The following PRKAR2B variants were observed in gnomAD, a reference collection of about 807,000 sequenced individuals.
PRKAR2B encodes cAMP-dependent protein kinase type II-beta regulatory subunit.
PRKAR2B carries 14 observed loss-of-function variants against 49.9 expected under a neutral mutation model. The ratio of observed to expected loss-of-function variants is 0.28; its 90% CI spans 0.19 to 0.44. The LOEUF (loss-of-function observed/expected upper bound fraction) is 0.44. Among genes scored for constraint, PRKAR2B ranks in the 20% least tolerant of loss-of-function variants. PRKAR2B has a pLI of 1.00. For synonymous variants in PRKAR2B, 196 were observed against 197.7 expected (o/e 0.99, Z 0.07); for missense variants, 393 against 537.9 (o/e 0.73, Z 2.67).
At chr7:107,108,874 C>G (rs1028507967) in intron 2 of PRKAR2B, among the ~76,000 whole-genome samples, 2 of 152,164 alleles carry the variant, frequency 1.3e-5, no homozygotes, top group Non-Finnish European at 2.9e-5. Context: ...TGGGAGAGTT[C>G]TTGGCTTTGC....
Position 107,160,804 on chromosome 7 carries a change from A to C in PRKAR2B, c.*1222A>C, listed in dbSNP as rs893972318. On this transcript the variant is annotated 3_prime_UTR_variant, in exon 11 of 11. Coordinates refer to ENST00000265717, the MANE Select transcript of PRKAR2B (RefSeq NM_002736.3). ...CATAGTTGAAATTAGTGCAGAAAGA[A>C]CTCAGATGTACTAGATTTTCATTGT... 2.0e-5 allele frequency: 3 copies of C among 152,152 alleles called. No homozygotes were observed. Among genetic ancestry groups the C allele is most frequent in the African/African-American group, 7.2e-5 (3 of 41,438 alleles). The allele number at this position is 152,152 out of a possible 1,614,324, so 9.4% of individuals were successfully genotyped here. A position where few individuals can be genotyped will look rare whatever the true frequency, so the allele number is the denominator to read the frequency against.
chr7:107,099,836 A>G (rs566185642), intron 2 of PRKAR2B, among the ~76,000 whole-genome samples: 4 of 152,024 alleles, frequency 2.6e-5, no homozygotes, highest in Admixed American at 6.5e-5. Flanking sequence ...GGGTTTCACC[A>G]TGTTAGCCAG....
chr7:107,065,322 A>ATGTGTGTGTGTGTG (rs71134248), intron 1 of PRKAR2B, among the ~76,000 whole-genome samples: 14 of 143,802 alleles, frequency 9.7e-5, no homozygotes, highest in Admixed American at 6.2e-4. Flanking sequence ...GGGTGTGTGT[A>ATGTGTGTGTGTGTG]TGTGTGTGTG....
chr7:107,088,055 C>A (rs1466304405), intron 2 of PRKAR2B, among the ~76,000 whole-genome samples: 1 of 152,198 alleles, frequency 6.6e-6, no homozygotes, highest in Non-Finnish European at 1.5e-5. Context: ...TACAGTATGT[C>A]GTGTAATTCT....
chr7:107,112,726 T>C (rs1562860948), intron 2 of PRKAR2B, among the ~76,000 whole-genome samples: 1 of 152,210 alleles, frequency 6.6e-6, no homozygotes, highest in Non-Finnish European at 1.5e-5. Context: ...TACATGGATT[T>C]ATTTCTTTTG....
At chr7:107,136,890 C>CA (rs1795710725) in intron 4 of PRKAR2B, among the ~76,000 whole-genome samples, 1 of 152,064 alleles carries the variant, frequency 6.6e-6, no homozygotes. Flanking sequence ...TCAAAATTGC[C>CA]AAAACTTGGA....
intron 6 of PRKAR2B, among the ~76,000 whole-genome samples, chr7:107,148,679 T>C (rs2115659768): frequency 1.3e-5 from 2 of 152,290 alleles, no homozygotes; most frequent in Middle Eastern, 6.8e-3. Flanking sequence ...AATTTTTCTT[T>C]TAAGGTCAAC....
rs950709324 is a variant in PRKAR2B, at chr7:107,161,248, AT to A, written c.*1670del. ...TGACTTGTTTTATATTTCAGATTTTATTTTAAAAGCCATGTCTGTTAAACAA... is the reference window on the plus strand; with the variant it reads ...TGACTTGTTTTATATTTCAGATTTTATTTAAAAGCCATGTCTGTTAAACAA... On this transcript the variant is annotated 3_prime_UTR_variant, in exon 11 of 11. Coordinates refer to ENST00000265717, the MANE Select transcript of PRKAR2B (RefSeq NM_002736.3). 46 of 152,364 alleles carry A rather than the reference AT, an allele frequency of 3.0e-4. No individual in the cohort carries two copies. Among genetic ancestry groups the A allele is most frequent in the African/African-American group, 1.1e-3 (44 of 41,586 alleles). The allele number at this position is 152,364 out of a possible 1,614,324, so 9.4% of individuals were successfully genotyped here. A position where few individuals can be genotyped will look rare whatever the true frequency, so the allele number is the denominator to read the frequency against.
chr7:107,070,952 C>T (rs1292023161), intron 2 of PRKAR2B, among the ~76,000 whole-genome samples: 5 of 152,166 alleles, frequency 3.3e-5, no homozygotes, highest in Admixed American at 1.3e-4. Flanking sequence ...CAAGGGCGTA[C>T]GTTAACTTCA....
At chr7:107,139,057 T>C (rs1010980762) in intron 4 of PRKAR2B, among the ~76,000 whole-genome samples, 1 of 152,200 alleles carries the variant, frequency 6.6e-6, no homozygotes, top group Non-Finnish European at 1.5e-5. Context: ...TCTGATTTGC[T>C]CTTTTCCTAA....
Position 107,160,798 on chromosome 7 carries a change from GAA to G in PRKAR2B, c.*1218_*1219del, listed in dbSNP as rs1450619447. On this transcript the variant is annotated 3_prime_UTR_variant, in exon 11 of 11. Coordinates refer to ENST00000265717, the MANE Select transcript of PRKAR2B (RefSeq NM_002736.3). The stretch of plus-strand genomic sequence containing the variant: ...TAGACTCATAGTTGAAATTAGTGCA[GAA>G]AGAACTCAGATGTACTAGATTTTCA... 1.3e-5 allele frequency: 2 copies of G among 152,156 alleles called. No homozygotes were observed. Among genetic ancestry groups the G allele is most frequent in the African/African-American group, 4.8e-5 (2 of 41,438 alleles). The allele number at this position is 152,156 out of a possible 1,614,324, so 9.4% of individuals were successfully genotyped here. A position where few individuals can be genotyped will look rare whatever the true frequency, so the allele number is the denominator to read the frequency against.
rs1429196671 is a variant in PRKAR2B, at chr7:107,128,220, T to C, written c.405T>C (p.His135=). The C allele has an allele frequency of 1.2e-6, 2 of 1,608,844 alleles. No homozygotes were observed. Among genetic ancestry groups the C allele is most frequent in the African/African-American group, 2.7e-5 (2 of 74,844 alleles). The change falls in exon 4 of 11, where the codon CAT becomes CAC. Residue 135 remains histidine (H), a synonymous_variant. Coordinates refer to ENST00000265717, the MANE Select transcript of PRKAR2B (RefSeq NM_002736.3). Reference sequence around the variant, plus strand: ...ATCTGATGTCCTTTTAGATTATACATCCAAAAACTGATGATCAAAGAAATA... The same window carrying C: ...ATCTGATGTCCTTTTAGATTATACACCCAAAAACTGATGATCAAAGAAATA... ...EEDDAESRII[H]PKTDDQRNRL...
chr7:107,058,425 C>G (rs1312200984), intron 1 of PRKAR2B, among the ~76,000 whole-genome samples: 1 of 152,126 alleles, frequency 6.6e-6, no homozygotes, highest in African/African-American at 2.4e-5. Flanking sequence ...TAATACATCT[C>G]CAAGTCTTAC....
At chr7:107,144,276 C>T (rs1016176826) in intron 5 of PRKAR2B, among the ~76,000 whole-genome samples, 4 of 151,650 alleles carry the variant, frequency 2.6e-5, no homozygotes, top group South Asian at 4.2e-4. Context: ...TTAGTAGAGA[C>T]GGGGTTTCAC....
At chr7:107,143,368 C>CAGCTT (rs1409645710) in intron 5 of PRKAR2B, among the ~76,000 whole-genome samples, 1 of 152,212 alleles carries the variant, frequency 6.6e-6, no homozygotes, top group Non-Finnish European at 1.5e-5. Flanking sequence ...AGGCACACAA[C>CAGCTT]AGCTTATTCA....
chr7:107,076,635 T>C (rs1794403933), intron 2 of PRKAR2B, among the ~76,000 whole-genome samples: 1 of 152,230 alleles, frequency 6.6e-6, no homozygotes, highest in African/African-American at 2.4e-5. Context: ...TTCTAATAAG[T>C]AATTATTTCT....
chr7:107,048,690 T>C (rs1584399074), intron 1 of PRKAR2B, among the ~76,000 whole-genome samples: 1 of 152,228 alleles, frequency 6.6e-6, no homozygotes, highest in Non-Finnish European at 1.5e-5. Flanking sequence ...GGTGTGGCTG[T>C]AGGTGGCGCT....
At chr7:107,110,835 A>G (rs1227426018) in intron 2 of PRKAR2B, among the ~76,000 whole-genome samples, 1 of 152,056 alleles carries the variant, frequency 6.6e-6, no homozygotes, top group Non-Finnish European at 1.5e-5. Context: ...GACTTTACAC[A>G]TTACCAGCTG....
chr7:107,099,892 C>T (rs1398501384), intron 2 of PRKAR2B, among the ~76,000 whole-genome samples: 11 of 152,100 alleles, frequency 7.2e-5, no homozygotes, highest in African/African-American at 2.2e-4. Flanking sequence ...CCTTGGCCTC[C>T]GTAAGTGTTG....
Sources: allele counts gnomAD v4.1 joint callset (sites outside exome capture counted in the v4.1 genomes callset), GRCh38; gene constraint gnomAD v4.1.1; transcripts MANE v1.5; gene names NCBI Gene and HGNC (gene_info 2026-07-23, HGNC 2026-07-21).